Variants in PCDHGA12 observed in about 807,000 individuals in gnomAD.
PCDHGA12 encodes protocadherin gamma-A12.
PCDHGA12 carries 43 observed loss-of-function variants against 61.1 expected under a neutral mutation model. The observed-to-expected ratio is 0.70, with a 90% CI of 0.55 to 0.91. The LOEUF is 0.91. PCDHGA12 is among the 40% of genes least tolerant of loss of function. PCDHGA12 has a pLI of 0.00. For missense variants in PCDHGA12, 1,236 were observed against 1,227.7 expected (o/e 1.01, Z -0.10); for synonymous variants, 520 against 542.9 (o/e 0.96, Z 0.59).
In PCDHGA12 at chr5:141,486,709, C is replaced by G. The variant is rs1485764871; in HGVS notation, c.2425-8098C>G. ...CTTCCTCTTTCATCTCTCTGAACCC[C>G]CAGACAGGAGCTGTTCATGCTACTC... On this transcript the variant is annotated intron_variant, in intron 1 of 3. Coordinates refer to ENST00000252085, the MANE Select transcript of PCDHGA12 (RefSeq NM_003735.3). The surrounding 1 kb of genome is among the most constrained non-coding windows in gnomAD (Gnocchi z 5.0). 1 of 1,614,182 alleles carries G rather than the reference C, an allele frequency of 6.2e-7. No individual in the cohort carries two copies. Among genetic ancestry groups the G allele is most frequent in the Middle Eastern group, 1.6e-4 (1 of 6,062 alleles).
rs1368226100 is a variant in PCDHGA12, at chr5:141,511,268, C to T, written c.*95C>T. The stretch of plus-strand genomic sequence containing the variant: ...CAGGCCTCAGAGTTTCAGGGCTAAC[C>T]CCCAGAATACTGGTAGGGGCCAAGG... On this transcript the variant is annotated 3_prime_UTR_variant, in exon 4 of 4. Coordinates refer to ENST00000252085, the MANE Select transcript of PCDHGA12 (RefSeq NM_003735.3). 1.9e-6 allele frequency: 3 copies of T among 1,546,408 alleles called. No individual in the cohort carries two copies. The highest frequency in any genetic ancestry group is 2.4e-5 in the East Asian group (1 of 41,246).
In PCDHGA12 at chr5:141,432,021, C is replaced by G. The variant is rs746940912; in HGVS notation, c.1262C>G (p.Thr421Arg). 1.9e-5 allele frequency: 30 copies of G among 1,614,076 alleles called. No individual in the cohort carries two copies. The highest frequency in any genetic ancestry group is 2.7e-5 in the African/African-American group (2 of 74,922). Reference sequence around the variant, plus strand: ...GAACAGGTTCCTAGCTACAACATCACAGTGACCGCCACTGACCGGGGAACC... The same window carrying G: ...GAACAGGTTCCTAGCTACAACATCAGAGTGACCGCCACTGACCGGGGAACC... ...DREQVPSYNI[T>R]VTATDRGTPP... Residue 421 changes from threonine (T) to arginine (R), a missense_variant, in exon 1 of 4, where the codon ACA becomes AGA. By Grantham distance (71) the Thr-to-Arg change is moderately conservative. Transcript: ENST00000252085. The surrounding 1 kb of genome is among the most constrained non-coding windows in gnomAD (Gnocchi z 6.0).
At position 141,430,525 on chromosome 5, in the gene PCDHGA12, G is replaced by C. The variant is rs1354801907; in HGVS notation, c.-235G>C. 12 of 365,842 alleles carry C rather than the reference G, an allele frequency of 3.3e-5. No homozygotes were observed. The highest frequency in any genetic ancestry group is 1.3e-4 in the Admixed American group (3 of 23,392). 22.7% of individuals were successfully genotyped at this position (365,842 alleles called of 1,614,324 possible). A position where few individuals can be genotyped will look rare whatever the true frequency, so the allele number is the denominator to read the frequency against. On this transcript the variant is annotated 5_prime_UTR_variant, in exon 1 of 4. Coordinates refer to ENST00000252085, the MANE Select transcript of PCDHGA12 (RefSeq NM_003735.3). ...GGAGTTCAAGATTGTGCAGTAATTG[G>C]TTAGGACTCTGAGCGCCGCTGTTCA...
Position 141,430,826 on chromosome 5 carries a change from CTG to C in PCDHGA12, c.70_71del (p.Trp24GlyfsTer20), listed in dbSNP as rs2097313923. ...LVLLGILLGT[L>X]WETGCTQIRY... ...CCTGCTGGGAATCCTCCTGGGGACT[CTG>C]TGGGAGACCGGATGCACCCAGATAC... On this transcript the variant is annotated frameshift_variant, in exon 1 of 4. Transcript: ENST00000252085. LOFTEE classifies it high-confidence loss of function. The C allele has an allele frequency of 6.4e-7, 1 of 1,550,416 alleles. No homozygotes were observed. The highest frequency in any genetic ancestry group is 8.7e-7 in the Non-Finnish European group (1 of 1,152,816).
At chr5:141,448,542 T>G (rs2098594694) in intron 1 of PCDHGA12, among the ~76,000 whole-genome samples, 1 of 152,210 alleles carries the variant, frequency 6.6e-6, no homozygotes, top group Non-Finnish European at 1.5e-5. Flanking sequence ...GCATTTCTTA[T>G]GCAAATATGT....
In PCDHGA12 at chr5:141,433,010, C is replaced by A. The variant is rs1392666523; in HGVS notation, c.2251C>A (p.Gln751Lys). 6.2e-7 allele frequency: 1 copy of A among 1,614,178 alleles called. No individual in the cohort carries two copies. ...VGVDGVQAFL[Q>K]TYSHEVSLTT... The stretch of plus-strand genomic sequence containing the variant: ...CGTGGACGGGGTGCAGGCTTTCCTG[C>A]AGACCTATTCCCACGAGGTTTCCCT... The change falls in exon 1 of 4, where the codon CAG (glutamine) becomes AAG (lysine). Residue 751 changes from glutamine to lysine, a missense_variant. Transcript: ENST00000252085.
At chr5:141,434,193 T>C (rs2097677103) in intron 1 of PCDHGA12, among the ~76,000 whole-genome samples, 1 of 152,246 alleles carries the variant, frequency 6.6e-6, no homozygotes, top group Non-Finnish European at 1.5e-5. Flanking sequence ...GTAATTCCAA[T>C]GTACTTACTT....
At chr5:141,473,401 T>G (rs1285517100) in intron 1 of PCDHGA12, among the ~76,000 whole-genome samples, 3 of 152,222 alleles carry the variant, frequency 2.0e-5, no homozygotes. Context: ...GCTTCTTTTT[T>G]TCTTCTTCAG....
intron 1 of PCDHGA12, among the ~76,000 whole-genome samples, chr5:141,439,251 A>G (rs1467023466): frequency 6.6e-6 from 1 of 152,112 alleles, no homozygotes; most frequent in Non-Finnish European, 1.5e-5. Context: ...ATTTCAGCTG[A>G]AGATTCAGCC....
intron 1 of PCDHGA12, chr5:141,478,139 G>A: frequency 6.2e-7 from 1 of 1,614,040 alleles, no homozygotes; most frequent in Non-Finnish European, 8.5e-7. Context: ...TGAAGCCCGA[G>A]CCGAGTTCCC....
chr5:141,464,043 T>C (rs2099074643), intron 1 of PCDHGA12, among the ~76,000 whole-genome samples: 2 of 152,074 alleles, frequency 1.3e-5, no homozygotes, highest in African/African-American at 4.8e-5. Context: ...GGCGGGTGGA[T>C]CACCTGAGGT....
rs558972594 is a variant in PCDHGA12 at position 141,485,292 on chromosome 5, A to G, written c.2425-9515A>G. ...CGCTACCCGGTCCCAGAGGAGTCAC[A>G]GGAAGGGACTTTTGTAGGGAATGTC... On this transcript the variant is annotated intron_variant, in intron 1 of 3. Coordinates refer to ENST00000252085, the MANE Select transcript of PCDHGA12 (RefSeq NM_003735.3). The surrounding 1 kb of genome is among the most constrained non-coding windows in gnomAD (Gnocchi z 5.7). 1 of 1,614,120 alleles carries G rather than the reference A, an allele frequency of 6.2e-7. No individual in the cohort carries two copies. Among genetic ancestry groups the G allele is most frequent in the African/African-American group, 1.3e-5 (1 of 75,058 alleles).
chr5:141,466,552 G>C lies in PCDHGA12; in HGVS notation c.2425-28255G>C, dbSNP rs913019489. On this transcript the variant is annotated intron_variant, in intron 1 of 3. Coordinates refer to ENST00000252085, the MANE Select transcript of PCDHGA12 (RefSeq NM_003735.3). ...ATTGATGTAGATGGTCTTTTGCTGTGGGCTTCATCTTCAACATTGTCTCAT... is the reference window on the plus strand; with the variant it reads ...ATTGATGTAGATGGTCTTTTGCTGTCGGCTTCATCTTCAACATTGTCTCAT... 2.6e-5 allele frequency among the ~76,000 whole-genome samples: 4 copies of C among 152,144 alleles called. No homozygotes were observed. The South Asian group carries it at 8.3e-4, about 32-fold the overall frequency.
intron 1 of PCDHGA12, among the ~76,000 whole-genome samples, chr5:141,469,951 T>C (rs1467717372): frequency 6.6e-6 from 1 of 152,034 alleles, no homozygotes; most frequent in African/African-American, 2.4e-5. Flanking sequence ...GCCAGCATGG[T>C]GAAACCCCAT....
chr5:141,508,919 C>T (rs1166086266), intron 3 of PCDHGA12, among the ~76,000 whole-genome samples: 1 of 151,996 alleles, frequency 6.6e-6, no homozygotes, highest in Non-Finnish European at 1.5e-5. Context: ...GATCTGGCTT[C>T]CTTTTGGAGT....
chr5:141,433,357 G>GCCTA, intron 1 of PCDHGA12, 174 bp downstream of exon 1: 1 of 569,056 alleles, frequency 1.8e-6, no homozygotes, highest in Non-Finnish European at 3.1e-6. Context: ...CCTACTGTCT[G>GCCTA]CCTATCTATC....
At chr5:141,472,058 C>T (rs149583469) in intron 1 of PCDHGA12, among the ~76,000 whole-genome samples, 114 of 152,176 alleles carry the variant, frequency 7.5e-4, no homozygotes, top group African/African-American at 2.6e-3. Context: ...AAATGATTGA[C>T]ATGTCTGTGG....
chr5:141,447,558 G>T (rs551305232), intron 1 of PCDHGA12, among the ~76,000 whole-genome samples: 1 of 152,264 alleles, frequency 6.6e-6, no homozygotes, highest in African/African-American at 2.4e-5. Context: ...GAGTACACTT[G>T]GAGGATTCTA....
chr5:141,490,985 C>T lies in PCDHGA12; in HGVS notation c.2425-3822C>T. On this transcript the variant is annotated intron_variant, in intron 1 of 3. Transcript: ENST00000252085. This position sits in a 1 kb window ranked among gnomAD's most constrained non-coding sequence, Gnocchi z 5.4. ...TCAGCCCCCCAGCGTCTCCCTCGCT[C>T]TGCTCCTCCTGGCTCCTTGGTCACC... The T allele has an allele frequency of 1.9e-6, 3 of 1,614,128 alleles. No individual in the cohort carries two copies. The highest frequency in any genetic ancestry group is 2.5e-6 in the Non-Finnish European group (3 of 1,180,032).
Sources: allele counts gnomAD v4.1 joint callset (sites outside exome capture counted in the v4.1 genomes callset), GRCh38; gene constraint gnomAD v4.1.1; non-coding constraint Gnocchi (gnomAD v3.1); transcripts MANE v1.5; gene names NCBI Gene and HGNC (gene_info 2026-07-23, HGNC 2026-07-21).